The following PCNX2 variants were observed in gnomAD, a reference collection of about 807,000 sequenced individuals.
PCNX2 encodes pecanex 2.
Under a neutral mutation model 223.8 loss-of-function variants are expected in PCNX2, and 168 were observed. That is an observed-to-expected ratio of 0.75 (90% CI 0.66 to 0.85). PCNX2 has a LOEUF of 0.85. PCNX2 is among the 40% of genes least tolerant of loss of function. The probability of loss-of-function intolerance (pLI) is 0.00; values close to 1 mark genes in which losing one functional copy is unlikely to be tolerated. For missense variants in PCNX2, 2,507 were observed against 2,675.5 expected, an observed-to-expected ratio of 0.94 and a Z score of 1.39; for synonymous variants, 1,006 against 1,052.6, an observed-to-expected ratio of 0.96 and a Z score of 0.86.
chr1:233,091,126 T>A (rs1383173113), intron 22 of PCNX2, among the ~76,000 whole-genome samples: 2 of 152,094 alleles, frequency 1.3e-5, no homozygotes, highest in Non-Finnish European at 2.9e-5. Context: ...GTGGCAGAAG[T>A]CAGTGGAGAG....
At chr1:233,301,005 G>A in the PCNX2 span, among the ~76,000 whole-genome samples, 8 of 152,244 alleles carry the variant, frequency 5.3e-5, no homozygotes, top group South Asian at 1.7e-3. Context: ...AGAGGGCTCT[G>A]AGTATAAGCA....
chr1:233,134,923 T>TA, intron 21 of PCNX2, 90 bp downstream of exon 21: 1 of 1,136,540 alleles, frequency 8.8e-7, no homozygotes, highest in Non-Finnish European at 1.3e-6. Flanking sequence ...TAATTTTTTT[T>TA]ATAAAGAATA....
chr1:233,130,849 A>C (rs560847331), intron 21 of PCNX2, among the ~76,000 whole-genome samples: 1 of 151,064 alleles, frequency 6.6e-6, no homozygotes, highest in South Asian at 2.1e-4. Flanking sequence ...CATCCTCCAG[A>C]CCTCAGGGGG....
At chr1:233,324,782 A>G in the PCNX2 span, among the ~76,000 whole-genome samples, 10 of 151,258 alleles carry the variant, frequency 6.6e-5, no homozygotes, top group South Asian at 2.1e-4. Context: ...TGTATTTTTA[A>G]TAGAGATTGT....
intron 24 of PCNX2, among the ~76,000 whole-genome samples, chr1:233,055,527 G>A (rs1303113900): frequency 1.3e-5 from 2 of 150,788 alleles, no homozygotes; most frequent in African/African-American, 5.0e-5. Flanking sequence ...TCAAGATGAG[G>A]GATATAAGAT....
At chr1:233,282,868 A>G (rs1661259216) in intron 1 of PCNX2, among the ~76,000 whole-genome samples, 1 of 152,230 alleles carries the variant, frequency 6.6e-6, no homozygotes, top group Non-Finnish European at 1.5e-5. Flanking sequence ...AGGACGGAGG[A>G]AAAGCTAAAA....
chr1:233,166,196 TAAA>T (rs1678783127), intron 17 of PCNX2, among the ~76,000 whole-genome samples: 2 of 149,686 alleles, frequency 1.3e-5, no homozygotes, highest in Admixed American at 6.8e-5. Context: ...AATAAATAAA[TAAA>T]TAAATTAAAT....
intron 1 of PCNX2, among the ~76,000 whole-genome samples, chr1:233,292,502 C>T (rs1661834260): frequency 6.6e-6 from 1 of 152,258 alleles, no homozygotes; most frequent in African/African-American, 2.4e-5. Flanking sequence ...AGCCACCACA[C>T]CCAACCAAAA....
chr1:233,181,878 ACATTGGG>A (rs1421051283), intron 15 of PCNX2, among the ~76,000 whole-genome samples: 1 of 152,230 alleles, frequency 6.6e-6, no homozygotes, highest in Non-Finnish European at 1.5e-5. Context: ...CAATACCATT[ACATTGGG>A]GATTAGGTTT....
intron 21 of PCNX2, among the ~76,000 whole-genome samples, chr1:233,106,331 G>A (rs763576016): frequency 1.5e-4 from 22 of 150,386 alleles, no homozygotes; most frequent in Non-Finnish European, 2.8e-4. Flanking sequence ...TCTGTTGGGG[G>A]CTTCCTCTCC....
At chr1:233,265,304 A>C (rs1348993738) in intron 1 of PCNX2, among the ~76,000 whole-genome samples, 1 of 151,908 alleles carries the variant, frequency 6.6e-6, no homozygotes, top group African/African-American at 2.4e-5. Flanking sequence ...CTAGGGTTTC[A>C]TAGTACTCTA....
intron 13 of PCNX2, among the ~76,000 whole-genome samples, chr1:233,200,865 A>T (rs1183283964): frequency 6.6e-6 from 1 of 151,610 alleles, no homozygotes; most frequent in Non-Finnish European, 1.5e-5. Flanking sequence ...TTACTAAAAA[A>T]AAATACAAAA....
At chr1:233,005,261 G>A (rs910475465) in intron 28 of PCNX2, among the ~76,000 whole-genome samples, 1 of 152,136 alleles carries the variant, frequency 6.6e-6, no homozygotes, top group Non-Finnish European at 1.5e-5. Context: ...TGTAGAGATG[G>A]GGATAGTGGA....
At chr1:233,280,674 T>C (rs1276080637) in intron 1 of PCNX2, among the ~76,000 whole-genome samples, 1 of 152,184 alleles carries the variant, frequency 6.6e-6, no homozygotes, top group African/African-American at 2.4e-5. Context: ...CAGGTCTGTC[T>C]TATTCTCCAT....
chr1:233,146,419 GTAAC>G (rs1186252677), intron 19 of PCNX2, among the ~76,000 whole-genome samples: 1 of 152,168 alleles, frequency 6.6e-6, no homozygotes, highest in South Asian at 2.1e-4. Flanking sequence ...AATAAAAAAA[GTAAC>G]TAGCGTATTA....
At chr1:233,310,882 C>T in the PCNX2 span, among the ~76,000 whole-genome samples, 2 of 152,070 alleles carry the variant, frequency 1.3e-5, no homozygotes, top group East Asian at 1.9e-4. Flanking sequence ...GAGGGAGATC[C>T]TCAGCTCTTT....
At chr1:233,046,743 A>T (rs1165891881) in intron 25 of PCNX2, among the ~76,000 whole-genome samples, 1 of 152,222 alleles carries the variant, frequency 6.6e-6, no homozygotes, top group Non-Finnish European at 1.5e-5. Flanking sequence ...GGATGGCTAC[A>T]TCTGTCAGTT....
At chr1:233,252,999 T>G (rs1659546896) in intron 5 of PCNX2, among the ~76,000 whole-genome samples, 2 of 152,196 alleles carry the variant, frequency 1.3e-5, no homozygotes, top group East Asian at 3.8e-4. Context: ...GTTTGAGACA[T>G]GTTATTTAGG....
At position 233,208,586 on chromosome 1, in the gene PCNX2, C is replaced by A; in HGVS notation, c.2795G>T (p.Ser932Ile). ...DTGAKARHPP[S>I]YVVYGLKLFS... Reference sequence around the variant, plus strand: ...GAGCTTCAGGCCATACACAACGTAACTGGGAGGGTGCCTGGCTTTGGCCCC... The same window carrying A: ...GAGCTTCAGGCCATACACAACGTAAATGGGAGGGTGCCTGGCTTTGGCCCC... The change falls in exon 13 of 34, where the codon AGT becomes ATT. Residue 932 changes from serine (S) to isoleucine (I), a missense_variant. By Grantham distance (142) the Ser-to-Ile change is moderately radical (BLOSUM62 -2). Transcript: ENST00000258229. 6.2e-7 allele frequency: 1 copy of A among 1,613,652 alleles called. No homozygotes were observed. Among genetic ancestry groups the A allele is most frequent in the Non-Finnish European group, 8.5e-7 (1 of 1,179,840 alleles).
Sources: gnomAD v4.1 joint callset for allele counts (sites outside exome capture counted in the v4.1 genomes callset) on GRCh38, gnomAD v4.1.1 for gene constraint, MANE v1.5 for transcripts, NCBI Gene and HGNC (gene_info 2026-07-23, HGNC 2026-07-21) for gene names.